The following FMNL2 variants were observed in gnomAD, a reference collection of about 807,000 sequenced individuals.
FMNL2 encodes the protein formin like 2, also known as formin-like protein 2.
FMNL2 carries 51 observed loss-of-function variants against 130.2 expected under a neutral mutation model. That is an observed-to-expected ratio of 0.39 (90% confidence interval 0.31 to 0.49). The LOEUF is 0.49. FMNL2 is among the 20% of genes least tolerant of loss of function. The probability of loss-of-function intolerance (pLI) is 0.85; values close to 1 mark genes in which losing one functional copy is unlikely to be tolerated. For missense variants in FMNL2, 977 were observed against 1,316.2 expected, an observed-to-expected ratio of 0.74 and a Z score of 3.99; for synonymous variants, 465 against 467.1, an observed-to-expected ratio of 1.00 and a Z score of 0.06.
At chr2:152,444,190 C>CGAT (rs1180686271) in intron 1 of FMNL2, among the ~76,000 whole-genome samples, 6 of 151,846 alleles carry the variant, frequency 4.0e-5, no homozygotes, top group South Asian at 4.2e-4. Flanking sequence ...GGGATTTTCA[C>CGAT]GATGATGATG....
At chr2:152,476,337 T>G (rs1000528071) in intron 1 of FMNL2, among the ~76,000 whole-genome samples, 4 of 152,234 alleles carry the variant, frequency 2.6e-5, no homozygotes, top group African/African-American at 9.6e-5. Flanking sequence ...ATGTTTGGTT[T>G]CTATTTATTG....
intron 3 of FMNL2, 132 bp from the exon 4 acceptor site, chr2:152,548,889 A>C (rs1182172542): frequency 2.8e-6 from 2 of 703,660 alleles, no homozygotes; most frequent in Non-Finnish European, 4.6e-6. Context: ...TGTGCTCTGC[A>C]ACAAAAAAAG....
intron 1 of FMNL2, among the ~76,000 whole-genome samples, chr2:152,433,549 G>A (rs186663002): frequency 1.5e-4 from 23 of 152,312 alleles, no homozygotes; most frequent in African/African-American, 5.1e-4. Context: ...AACTCTTAAT[G>A]TAGTCTACCG....
At chr2:152,443,606 G>C (rs1384618733) in intron 1 of FMNL2, among the ~76,000 whole-genome samples, 1 of 152,192 alleles carries the variant, frequency 6.6e-6, no homozygotes, top group African/African-American at 2.4e-5. Context: ...ACTCTGGGAG[G>C]CTGAGGTGGG....
intron 1 of FMNL2, among the ~76,000 whole-genome samples, chr2:152,354,839 C>T (rs574876196): frequency 6.6e-6 from 1 of 152,126 alleles, no homozygotes; most frequent in Non-Finnish European, 1.5e-5. Context: ...GTTCTCAGAC[C>T]CTTAAGGGTT....
intron 25 of FMNL2, among the ~76,000 whole-genome samples, chr2:152,645,111 CTTACCCACCAGTGCTTA>C: frequency 6.6e-6 from 1 of 152,208 alleles, no homozygotes; most frequent in Non-Finnish European, 1.5e-5. Flanking sequence ...CTGCAGTGTA[CTTACCCACCAGTGCTTA>C]TTAACAGGCT....
chr2:152,540,768 C>T (rs538488556), intron 2 of FMNL2, among the ~76,000 whole-genome samples: 68 of 151,872 alleles, frequency 4.5e-4, no homozygotes, highest in African/African-American at 1.6e-3. Context: ...GTGCAGCGCA[C>T]CAGCATGGCA....
intron 11 of FMNL2, among the ~76,000 whole-genome samples, chr2:152,613,569 T>C (rs1243993182): frequency 1.3e-5 from 2 of 152,252 alleles, no homozygotes; most frequent in African/African-American, 4.8e-5. Flanking sequence ...AAATCCATTT[T>C]TCTGAAAATT....
chr2:152,572,444 T>A (rs1476333768), intron 6 of FMNL2, among the ~76,000 whole-genome samples: 2 of 152,116 alleles, frequency 1.3e-5, no homozygotes, highest in Non-Finnish European at 2.9e-5. Flanking sequence ...GTGGCTAATA[T>A]CTTGTAAATC....
intron 9 of FMNL2, among the ~76,000 whole-genome samples, chr2:152,606,570 T>TA (rs888945747): frequency 4.0e-5 from 6 of 148,222 alleles, no homozygotes; most frequent in Non-Finnish European, 6.0e-5. Context: ...ATCTAAAATT[T>TA]AAAAAAAAGA....
intron 9 of FMNL2, among the ~76,000 whole-genome samples, chr2:152,603,706 C>T (rs954824690): frequency 6.6e-6 from 1 of 150,862 alleles, no homozygotes; most frequent in Non-Finnish European, 1.5e-5. Flanking sequence ...TTTTCTAAGA[C>T]CCAACATGCA....
chr2:152,522,238 C>T (rs1173053607), intron 2 of FMNL2, among the ~76,000 whole-genome samples: 1 of 152,178 alleles, frequency 6.6e-6, no homozygotes, highest in African/African-American at 2.4e-5. Context: ...ATTAAAAAGA[C>T]TTCTTGAGAA....
intron 3 of FMNL2, among the ~76,000 whole-genome samples, chr2:152,546,643 C>T (rs1694655176): frequency 6.6e-6 from 1 of 152,114 alleles, no homozygotes; most frequent in African/African-American, 2.4e-5. Flanking sequence ...GCACATAACA[C>T]AGAGCTTGGA....
At chr2:152,399,208 T>C (rs1422425827) in intron 1 of FMNL2, among the ~76,000 whole-genome samples, 2 of 152,134 alleles carry the variant, frequency 1.3e-5, no homozygotes, top group Non-Finnish European at 2.9e-5. Flanking sequence ...GTGGCAGTGG[T>C]GGAGGCTGAA....
intron 1 of FMNL2, among the ~76,000 whole-genome samples, chr2:152,415,244 T>C (rs531259421): frequency 1.2e-4 from 18 of 152,154 alleles, no homozygotes; most frequent in African/African-American, 4.3e-4. Flanking sequence ...TGGAGGAGTT[T>C]TTGAATCATG....
chr2:152,393,076 C>G (rs1450049520), intron 1 of FMNL2, among the ~76,000 whole-genome samples: 1 of 152,100 alleles, frequency 6.6e-6, no homozygotes, highest in African/African-American at 2.4e-5. Context: ...CCTTGTGGTA[C>G]CCTTCACCCT....
rs181115255 is a variant in FMNL2, at chr2:152,513,880, C to G, written c.118-8063C>G. On this transcript the variant is annotated intron_variant, in intron 1 of 25. Transcript: ENST00000288670. ...AATGAAAAATGACTGACTGGTGATTCACTTTGGGGAACTATTTGGCTGGCT... is the reference window on the plus strand; with the variant it reads ...AATGAAAAATGACTGACTGGTGATTGACTTTGGGGAACTATTTGGCTGGCT... 2.6e-5 allele frequency among the ~76,000 whole-genome samples: 4 copies of G among 152,202 alleles called. No individual in the cohort carries two copies. The East Asian group carries it at 7.7e-4, about 29-fold the overall frequency.
intron 6 of FMNL2, among the ~76,000 whole-genome samples, chr2:152,562,268 C>T (rs548927154): frequency 1.3e-5 from 2 of 152,298 alleles, no homozygotes; most frequent in East Asian, 3.9e-4. Context: ...CCCTTACTTA[C>T]TCTTTCTAGC....
intron 1 of FMNL2, among the ~76,000 whole-genome samples, chr2:152,350,862 C>T (rs770465603): frequency 9.7e-4 from 148 of 152,042 alleles, no homozygotes; most frequent in South Asian, 2.3e-3. Flanking sequence ...CTGGCCAACA[C>T]GGTGAAGCCC....
Sources: gnomAD v4.1 joint callset for allele counts (sites outside exome capture counted in the v4.1 genomes callset) on GRCh38, gnomAD v4.1.1 for gene constraint, MANE v1.5 for transcripts, NCBI Gene and HGNC (gene_info 2026-07-23, HGNC 2026-07-21) for gene names.